TNS3: variants seen among roughly 807,000 people sequenced by gnomAD.
TNS3 encodes tensin-3.
A neutral mutation model predicts 140.9 loss-of-function variants in TNS3; 45 were observed. The ratio of observed to expected loss-of-function variants is 0.32; its 90% CI spans 0.25 to 0.41. The LOEUF is 0.41. Ranked by LOEUF, TNS3 falls within the 10% of genes least tolerant of loss-of-function variation. TNS3 has a pLI of 1.00. For synonymous variants in TNS3, 815 were observed against 788.4 expected, an observed-to-expected ratio of 1.03 and a Z score of -0.56; for missense variants, 1,716 against 1,906.7, an observed-to-expected ratio of 0.90 and a Z score of 1.86.
chr7:47,389,035 A>AGAG (rs1792275884), intron 16 of TNS3, among the ~76,000 whole-genome samples: 1 of 22,974 alleles, frequency 4.4e-5, no homozygotes, highest in African/African-American at 1.6e-4. Context: ...AAGAAGAAGA[A>AGAG]GAAGAAGAAG....
chr7:47,459,028 A>G (rs915959978), intron 4 of TNS3, among the ~76,000 whole-genome samples: 1 of 152,196 alleles, frequency 6.6e-6, no homozygotes, highest in African/African-American at 2.4e-5. Context: ...TTAAAAGCCA[A>G]ATGGTGCTTT....
chr7:47,474,776 C>T (rs532086412), intron 4 of TNS3, among the ~76,000 whole-genome samples: 1 of 149,736 alleles, frequency 6.7e-6, no homozygotes, highest in South Asian at 2.2e-4. Flanking sequence ...ACAACACACA[C>T]ACCTCACACA....
chr7:47,370,492 C>T (rs1306579143), intron 16 of TNS3, among the ~76,000 whole-genome samples: 1 of 152,142 alleles, frequency 6.6e-6, no homozygotes, highest in Non-Finnish European at 1.5e-5. Context: ...GAAAATGAAA[C>T]TTTGAACTAA....
rs1554359447 is a variant in TNS3, at chr7:47,574,648, C to CACA, written c.-265+7402_-265+7403insTGT. On this transcript the variant is annotated intron_variant, in intron 1 of 30. Transcript: ENST00000311160. ...ACAGACACACACACACACACACACA[C>CACA]CCCCACACACACGGTATTATTCAGC... is the stretch of plus-strand genomic sequence containing the variant. 9.0e-4 allele frequency among the ~76,000 whole-genome samples: 136 copies of CACA among 150,676 alleles called. 2 individuals carry two copies. The highest frequency in any genetic ancestry group is 8.2e-3 in the East Asian group (42 of 5,118).
intron 20 of TNS3, among the ~76,000 whole-genome samples, chr7:47,305,454 C>T (rs1786692461): frequency 6.6e-6 from 1 of 152,260 alleles, no homozygotes; most frequent in African/African-American, 2.4e-5. Flanking sequence ...CCAATAAAGA[C>T]CATAAGTGCA....
intron 1 of TNS3, among the ~76,000 whole-genome samples, chr7:47,547,755 C>T (rs191143239): frequency 4.9e-4 from 74 of 152,328 alleles, no homozygotes; most frequent in African/African-American, 1.7e-3. Flanking sequence ...TGCAGCAACA[C>T]GCACAGGAGC....
chr7:47,493,158 C>T (rs1797875632), intron 3 of TNS3, among the ~76,000 whole-genome samples: 1 of 152,194 alleles, frequency 6.6e-6, no homozygotes, highest in African/African-American at 2.4e-5. Context: ...AAGCGCAGAG[C>T]TCTGACAGTC....
intron 1 of TNS3, chr7:47,557,176 T>A (rs781628215): frequency 2.2e-6 from 1 of 456,138 alleles, no homozygotes; most frequent in African/African-American, 2.0e-5. Context: ...GTCAGAACAA[T>A]CCTTAAGACC....
At chr7:47,449,340 G>T (rs549325507) in intron 4 of TNS3, among the ~76,000 whole-genome samples, 1 of 152,200 alleles carries the variant, frequency 6.6e-6, no homozygotes, top group Non-Finnish European at 1.5e-5. Context: ...GGTCCTCAGA[G>T]CCCTGGGTGA....
intron 15 of TNS3, 44 bp from the exon 16 acceptor site, chr7:47,396,948 T>A (rs764430775): frequency 6.3e-6 from 9 of 1,427,500 alleles, no homozygotes; most frequent in Non-Finnish European, 7.9e-6. Flanking sequence ...GTGAAACCCA[T>A]CACCTCCATC....
In TNS3 at chr7:47,344,781, G is replaced by C; in HGVS notation, c.2624C>G (p.Pro875Arg). 6.2e-7 allele frequency: 1 copy of C among 1,613,098 alleles called. No individual in the cohort carries two copies. The highest frequency in any genetic ancestry group is 8.5e-7 in the Non-Finnish European group (1 of 1,179,980). ...ACGTCCTCCTTTGTGCTGACTGGCTGGGCTGCTCAGCGGGGGCTCAGGTGG... is the reference window on the plus strand; with the variant it reads ...ACGTCCTCCTTTGTGCTGACTGGCTCGGCTGCTCAGCGGGGGCTCAGGTGG... The part of the protein sequence containing the change: ...FSPPEPPLSS[P>R]ASQHKGGREP... The change falls in exon 20 of 31, where the codon CCA becomes CGA. Residue 875 changes from proline to arginine, a missense_variant. Physicochemically the swap from Pro to Arg is moderately radical, Grantham distance 103. Coordinates refer to ENST00000311160, the MANE Select transcript of TNS3 (RefSeq NM_022748.12).
chr7:47,345,859 A>C (rs1240370414), intron 18 of TNS3, among the ~76,000 whole-genome samples: 1 of 152,144 alleles, frequency 6.6e-6, no homozygotes, highest in Non-Finnish European at 1.5e-5. Context: ...CACACAACCC[A>C]CCCACATGCT....
intron 3 of TNS3, among the ~76,000 whole-genome samples, chr7:47,489,453 T>G (rs936473619): frequency 2.6e-5 from 4 of 152,206 alleles, no homozygotes; most frequent in Admixed American, 2.6e-4. Context: ...AAAAGAGTAG[T>G]GCCCCTATCC....
Position 47,535,945 on chromosome 7 carries a change from A to G in TNS3, c.-264-6798T>C, listed in dbSNP as rs536414306. Among the ~76,000 whole-genome samples, 615 of 152,382 alleles carry G rather than the reference A, an allele frequency of 4.0e-3. 8 individuals carry two copies. The highest frequency in any genetic ancestry group is 7.2e-3 in the Non-Finnish European group (490 of 68,040). ...CCATAGTAAGAGGATTTAGGTAGGC[A>G]TTCAGGCACCTGGGAAACCTTCAGA... On this transcript the variant is annotated intron_variant, in intron 1 of 30. Transcript: ENST00000311160.
At chr7:47,332,920 C>T (rs1788422359) in intron 20 of TNS3, among the ~76,000 whole-genome samples, 2 of 152,188 alleles carry the variant, frequency 1.3e-5, no homozygotes, top group Admixed American at 1.3e-4. Context: ...GGGTCAAGAA[C>T]AGTCCACCAG....
rs1412603506 is a variant in TNS3 at position 47,275,877 on chromosome 7, G to A, written c.*2199C>T. 6.6e-6 allele frequency: 3 copies of A among 455,864 alleles called. No homozygotes were observed. The highest frequency in any genetic ancestry group is 1.5e-5 in the South Asian group (1 of 64,562). 28.2% of individuals were successfully genotyped at this position (455,864 alleles called of 1,614,324 possible). On this transcript the variant is annotated 3_prime_UTR_variant, in exon 31 of 31. Coordinates refer to ENST00000311160, the MANE Select transcript of TNS3 (RefSeq NM_022748.12). ...TCATGAGGGCCATCGCGGGCACCCCGATGTCTCTGTGATTCCCTGGCAGGC... is the reference window on the plus strand; with the variant it reads ...TCATGAGGGCCATCGCGGGCACCCCAATGTCTCTGTGATTCCCTGGCAGGC...
intron 17 of TNS3, among the ~76,000 whole-genome samples, chr7:47,364,800 A>C (rs534822311): frequency 1.3e-5 from 2 of 152,318 alleles, no homozygotes; most frequent in South Asian, 4.1e-4. Context: ...CTAACCCTTC[A>C]GTGTCCATTC....
intron 3 of TNS3, among the ~76,000 whole-genome samples, chr7:47,500,837 T>C (rs536460165): frequency 6.6e-6 from 1 of 152,230 alleles, no homozygotes; most frequent in South Asian, 2.1e-4. Flanking sequence ...CCCAGCACTC[T>C]GGGAGGCCAA....
intron 4 of TNS3, among the ~76,000 whole-genome samples, chr7:47,454,135 T>C (rs987581742): frequency 1.3e-5 from 2 of 152,080 alleles, no homozygotes; most frequent in East Asian, 1.9e-4. Context: ...CAGGGTGTTC[T>C]GGGGGCGCCC....
Sources: gnomAD v4.1 joint callset for allele counts (sites outside exome capture counted in the v4.1 genomes callset) on GRCh38, gnomAD v4.1.1 for gene constraint, MANE v1.5 for transcripts, NCBI Gene and HGNC (gene_info 2026-07-23, HGNC 2026-07-21) for gene names.